Variants in ENKUR observed in about 807,000 individuals in gnomAD.
ENKUR encodes enkurin.
In ENKUR, 19 loss-of-function variants were observed where a neutral mutation model predicts 27.6. The observed-to-expected ratio is 0.69, with a 90% CI of 0.48 to 1.01. The LOEUF is 1.01. ENKUR is among the 50% of genes least tolerant of loss of function. The probability of loss-of-function intolerance (pLI) is 0.00; values close to 1 mark genes in which losing one functional copy is unlikely to be tolerated. For missense variants in ENKUR, 312 were observed against 310.5 expected, an observed-to-expected ratio of 1.00 and a Z score of -0.04; for synonymous variants, 117 against 96.9, an observed-to-expected ratio of 1.21 and a Z score of -1.22.
At chr10:25,056,552 C>G (rs566529957) in intron 2 of ENKUR, among the ~76,000 whole-genome samples, 1 of 152,172 alleles carries the variant, frequency 6.6e-6, no homozygotes, top group African/African-American at 2.4e-5. Context: ...GGAGAACGTA[C>G]TTAGCGTTTA....
intron 2 of ENKUR, among the ~76,000 whole-genome samples, chr10:25,036,886 G>A (rs1564354678): frequency 6.6e-6 from 1 of 152,082 alleles, no homozygotes; most frequent in African/African-American, 2.4e-5. Context: ...TCCCCTTCAG[G>A]CTATGATGGT....
intron 1 of ENKUR, among the ~76,000 whole-genome samples, chr10:25,005,665 CTTGAAA>C (rs1459378138): frequency 6.6e-6 from 1 of 152,194 alleles, no homozygotes. Context: ...CACCTACAGA[CTTGAAA>C]TGAGAGTGTT....
chr10:25,020,653 A>G (rs1270112781), upstream of ENKUR, among the ~76,000 whole-genome samples: 1 of 151,752 alleles, frequency 6.6e-6, no homozygotes, highest in Non-Finnish European at 1.5e-5. Context: ...TGGTGGGAGG[A>G]TCACCTGAGC....
chr10:25,025,327 C>G (rs1490673567), intron 2 of ENKUR: 1 of 1,614,156 alleles, frequency 6.2e-7, no homozygotes, highest in Non-Finnish European at 8.5e-7. Flanking sequence ...CAATGCATTA[C>G]CTCCACTGCA....
intron 4 of ENKUR, among the ~76,000 whole-genome samples, chr10:24,989,247 T>G (rs1849872538): frequency 1.3e-5 from 2 of 152,184 alleles, no homozygotes; most frequent in African/African-American, 4.8e-5. Flanking sequence ...CAATTCTCAC[T>G]TCCATGTCTG....
rs1258121893 is a variant in ENKUR at position 24,999,507 on chromosome 10, C to T, written c.117G>A (p.Met39Ile). ...TTTTCATTGCAGTTTTAGCTTTTTG[C>T]ATGTCATCTTTTACAGTTGCCTTAA... Reference protein sequence around the residue: ...SIFKATVKDDMQKAKTAMKTM... With the variant: ...SIFKATVKDDIQKAKTAMKTM... Residue 39 changes from methionine to isoleucine, a missense_variant, in exon 2 of 6, where the codon ATG (methionine) becomes ATA (isoleucine). Transcript: ENST00000331161. 2 of 1,612,630 alleles carry T rather than the reference C, an allele frequency of 1.2e-6. No homozygotes were observed. Among genetic ancestry groups the T allele is most frequent in the African/African-American group, 1.3e-5 (1 of 74,850 alleles).
At chr10:25,042,626 A>G (rs1003634923) in intron 2 of ENKUR, among the ~76,000 whole-genome samples, 1 of 152,136 alleles carries the variant, frequency 6.6e-6, no homozygotes, top group African/African-American at 2.4e-5. Context: ...AAATTAGTTC[A>G]AAATATAAAG....
intron 1 of ENKUR, among the ~76,000 whole-genome samples, chr10:25,009,454 A>G (rs1312135518): frequency 6.6e-6 from 1 of 152,248 alleles, no homozygotes; most frequent in Non-Finnish European, 1.5e-5. Context: ...TATTTTAGAC[A>G]TAATAATTTG....
rs1849749361 is a variant in ENKUR at position 24,984,916 on chromosome 10, TC to T, written c.595-12del. On this transcript the variant is annotated splice_polypyrimidine_tract_variant and intron_variant, in intron 4 of 5. Coordinates refer to ENST00000331161, the MANE Select transcript of ENKUR (RefSeq NM_145010.4). ...GTTCTTTTTCAGCCCCTGCAAATGG[TC>T]AAGAAACTTGTAAATACCAAAGCAA... 1 of 1,606,878 alleles carries T rather than the reference TC, an allele frequency of 6.2e-7. No homozygotes were observed. The highest frequency in any genetic ancestry group is 8.5e-7 in the Non-Finnish European group (1 of 1,177,320).
chr10:25,028,807 G>C (rs994741299), intron 2 of ENKUR, among the ~76,000 whole-genome samples: 3 of 152,094 alleles, frequency 2.0e-5, no homozygotes, highest in Admixed American at 6.5e-5. Flanking sequence ...GTTCTTCTTT[G>C]ATTGATTAGA....
upstream of ENKUR, among the ~76,000 whole-genome samples, chr10:25,017,312 A>G (rs897157866): frequency 1.5e-4 from 23 of 152,302 alleles, no homozygotes; most frequent in African/African-American, 4.3e-4. Context: ...GCCGTAGGAA[A>G]GTCATTTAGA....
chr10:25,024,936 C>G, intron 2 of ENKUR: 1 of 1,613,928 alleles, frequency 6.2e-7, no homozygotes, highest in Non-Finnish European at 8.5e-7. Context: ...AATCTTCAAA[C>G]CTAGAACGAC....
intron 1 of ENKUR, among the ~76,000 whole-genome samples, chr10:25,013,738 G>A (rs1454404022): frequency 6.6e-6 from 1 of 152,060 alleles, no homozygotes; most frequent in Non-Finnish European, 1.5e-5. Context: ...AGGTCAGGAG[G>A]TCAAGACCAG....
chr10:24,984,658 A>G (rs928655944), intron 5 of ENKUR, 78 bp downstream of exon 5: 21 of 1,378,536 alleles, frequency 1.5e-5, no homozygotes, highest in Admixed American at 2.7e-5. Context: ...TCCTTTTTGA[A>G]AAACTTGGAG....
chr10:25,025,445 A>G (rs1850831375), intron 2 of ENKUR: 1 of 1,599,438 alleles, frequency 6.3e-7, no homozygotes, highest in African/African-American at 1.3e-5. Context: ...GTCCAAAATC[A>G]ATTCATATGA....
rs759325678 is a variant in ENKUR, at chr10:25,023,178, C to A, written c.38-27309G>T. 1.9e-6 allele frequency: 3 copies of A among 1,560,224 alleles called. No individual in the cohort carries two copies. The South Asian group carries it at 3.7e-5, about 19-fold the overall frequency. On this transcript the variant is annotated intron_variant, in intron 2 of 5. Transcript: ENST00000615958. ...TGTTTGTTTTGTGTTTTGAAAAGGG[C>A]TAAAGCCAATTTTTAGGTTGGCTTG...
chr10:24,983,265 C>A lies in ENKUR; in HGVS notation c.*1105G>T, dbSNP rs928999872. 7 of 152,230 alleles carry A rather than the reference C, an allele frequency of 4.6e-5. No homozygotes were observed. In the East Asian group the frequency reaches 1.2e-3, roughly 25 times the overall value. 9.4% of individuals were successfully genotyped at this position (152,230 alleles called of 1,614,324 possible). On this transcript the variant is annotated 3_prime_UTR_variant, in exon 6 of 6. Coordinates refer to ENST00000331161, the MANE Select transcript of ENKUR (RefSeq NM_145010.4). ...TAAGTTGCTTACTTAGCGATGCAAA[C>A]GGGAATGATATGCATCATTTCTAGG...
chr10:25,008,755 G>C (rs1385135484), intron 1 of ENKUR, among the ~76,000 whole-genome samples: 1 of 152,074 alleles, frequency 6.6e-6, no homozygotes, highest in African/African-American at 2.4e-5. Context: ...CCCATTACTG[G>C]GTATATACCC....
intron 4 of ENKUR, among the ~76,000 whole-genome samples, chr10:24,985,259 C>T (rs1206738112): frequency 1.3e-5 from 2 of 152,116 alleles, no homozygotes; most frequent in Non-Finnish European, 2.9e-5. Flanking sequence ...ATGATATCCT[C>T]GAGTCAAAAA....
Sources: gnomAD v4.1 joint callset for allele counts (sites outside exome capture counted in the v4.1 genomes callset) on GRCh38, gnomAD v4.1.1 for gene constraint, MANE v1.5 for transcripts, NCBI Gene and HGNC (gene_info 2026-07-23, HGNC 2026-07-21) for gene names.